The following PIGG variants were observed in gnomAD, a reference collection of about 807,000 sequenced individuals.
The protein encoded by PIGG is GPI ethanolamine phosphate transferase 2, catalytic subunit.
Under a neutral mutation model 83.2 loss-of-function variants are expected in PIGG, and 70 were observed. The observed-to-expected ratio is 0.84, with a 90% CI of 0.69 to 1.03. The LOEUF is 1.03. Ranked by LOEUF, PIGG falls within the 50% of genes least tolerant of loss-of-function variation. The pLI is 0.00. For synonymous variants in PIGG, 532 were observed against 519.5 expected (o/e 1.02, Z -0.33); for missense variants, 1,257 against 1,233.6 (o/e 1.02, Z -0.28).
intron 5 of PIGG, among the ~76,000 whole-genome samples, chr4:513,708 G>A (rs1308669592): frequency 6.6e-6 from 1 of 152,204 alleles, no homozygotes; most frequent in African/African-American, 2.4e-5. Context: ...CTGCTGGGCT[G>A]TGGGAATGGT....
At chr4:512,372 A>G (rs1472579179) in intron 5 of PIGG, among the ~76,000 whole-genome samples, 1 of 150,670 alleles carries the variant, frequency 6.6e-6, no homozygotes, top group Non-Finnish European at 1.5e-5. Flanking sequence ...GGCACCCACC[A>G]CCACCGGTTA....
Position 521,904 on chromosome 4 carries a change from T to C in PIGG, c.1577T>C (p.Leu526Pro). 1 of 1,614,244 alleles carries C rather than the reference T, an allele frequency of 6.2e-7. No homozygotes were observed. The highest frequency in any genetic ancestry group is 8.5e-7 in the Non-Finnish European group (1 of 1,180,042). The change falls in exon 8 of 13, where the codon CTG becomes CCG. Residue 526 changes from leucine (L) to proline (P), a missense_variant. Physicochemically the swap from Leu to Pro is moderately conservative, Grantham distance 98 (BLOSUM62 -3). Coordinates refer to ENST00000453061, the MANE Select transcript of PIGG (RefSeq NM_001127178.3). Reference sequence around the variant, plus strand: ...CTGCTGTGTGTGATTGTGTCTGTTCTGACCAACGTGCTCGTGGGTGGAAAC... The same window carrying C: ...CTGCTGTGTGTGATTGTGTCTGTTCCGACCAACGTGCTCGTGGGTGGAAAC... ...SALLCVIVSV[L>P]TNVLVGGNTP...
At chr4:534,423 G>T (rs1729871019) in intron 12 of PIGG, among the ~76,000 whole-genome samples, 1 of 152,242 alleles carries the variant, frequency 6.6e-6, no homozygotes, top group African/African-American at 2.4e-5. Flanking sequence ...GCAGGACCCT[G>T]GAGAAGGCTC....
intron 8 of PIGG, chr4:522,185 C>G (rs1179342758): frequency 3.3e-6 from 2 of 603,158 alleles, no homozygotes; most frequent in Admixed American, 5.8e-5. Context: ...TCTTGGAAAG[C>G]TAGGTTCCTG....
chr4:526,905 C>T, intron 9 of PIGG, 134 bp from the exon 10 acceptor site: 1 of 1,002,150 alleles, frequency 1.0e-6, no homozygotes, highest in East Asian at 2.6e-5. Context: ...AAATAAAAAT[C>T]AACAATTTCA....
At chr4:535,841 C>G (rs1730449043) in intron 12 of PIGG, among the ~76,000 whole-genome samples, 1 of 152,196 alleles carries the variant, frequency 6.6e-6, no homozygotes, top group South Asian at 2.1e-4. Flanking sequence ...CTCCCCGCCT[C>G]ACTCCCCTCC....
Position 510,062 on chromosome 4 carries a change from G to C in PIGG, c.901+1092G>C, listed in dbSNP as rs538677440. On this transcript the variant is annotated intron_variant, in intron 5 of 12. Coordinates refer to ENST00000453061, the MANE Select transcript of PIGG (RefSeq NM_001127178.3). Reference sequence around the variant, plus strand: ...TTCTTGGCCGAGACCAGCTCGGTCCGGGAGACTTTGACCCAGCAGCGCTAG... The same window carrying C: ...TTCTTGGCCGAGACCAGCTCGGTCCCGGAGACTTTGACCCAGCAGCGCTAG... 1.6e-4 allele frequency among the ~76,000 whole-genome samples: 24 copies of C among 152,182 alleles called. No homozygotes were observed. The South Asian group carries it at 5.0e-3, about 32-fold the overall frequency.
chr4:514,800 T>C lies in PIGG; in HGVS notation c.902-1173T>C, dbSNP rs371771244. ...ATATCACATAATGACTCATTGGCTT[T>C]ATCCCGCAATAGACACGCAACAGTC... On this transcript the variant is annotated intron_variant, in intron 5 of 12. Coordinates refer to ENST00000453061, the MANE Select transcript of PIGG (RefSeq NM_001127178.3). 8.5e-5 allele frequency among the ~76,000 whole-genome samples: 13 copies of C among 152,354 alleles called. No homozygotes were observed. In the South Asian group the frequency reaches 1.9e-3, roughly 22 times the overall value.
chr4:520,888 C>T (rs1015432169), intron 6 of PIGG, among the ~76,000 whole-genome samples, 168 bp from the exon 7 acceptor site: 8 of 152,226 alleles, frequency 5.3e-5, no homozygotes, highest in African/African-American at 1.4e-4. Flanking sequence ...TTACAGAAGG[C>T]GTTGCAGACC....
rs1720146199 is a variant in PIGG at position 507,516 on chromosome 4, A to G, written c.682A>G (p.Asn228Asp). 1.2e-6 allele frequency: 2 copies of G among 1,614,194 alleles called. No homozygotes were observed. Reference protein sequence around the residue: ...LDHIGHISGPNSPLIGQKLSE... With the variant: ...LDHIGHISGPDSPLIGQKLSE... ...CCACATTGGCCACATTTCAGGGCCC[A>G]ACAGCCCCCTGATTGGGCAGAAGCT... The change falls in exon 4 of 13, where the codon AAC becomes GAC. Residue 228 changes from asparagine (N) to aspartate (D), a missense_variant. Transcript: ENST00000453061.
At position 525,371 on chromosome 4, in the gene PIGG, A is replaced by G. The variant is rs935500639; in HGVS notation, c.2069+1458A>G. On this transcript the variant is annotated intron_variant, in intron 9 of 12. Transcript: ENST00000453061. The stretch of plus-strand genomic sequence containing the variant: ...AGACTTAGGAAACTAAAGCAAAAGA[A>G]GCAGCACAATGAGAGCATCTGCGGC... The G allele has an allele frequency of 4.1e-6, 4 of 985,220 alleles. No individual in the cohort carries two copies. In the African/African-American group the frequency reaches 5.2e-5, roughly 13 times the overall value. The allele number at this position is 985,220 out of a possible 1,614,324, so 61.0% of individuals were successfully genotyped here.
At chr4:522,115 G>C in intron 8 of PIGG, 174 bp downstream of exon 8, 4 of 684,540 alleles carry the variant, frequency 5.8e-6, no homozygotes, top group Non-Finnish European at 1.0e-5. Context: ...CCTTATCCCA[G>C]GCCTCTGGGT....
chr4:519,602 A>G (rs553016870), intron 6 of PIGG, among the ~76,000 whole-genome samples: 1 of 152,350 alleles, frequency 6.6e-6, no homozygotes, highest in Non-Finnish European at 1.5e-5. Context: ...TCCCTGCCTC[A>G]TAGGGTCATT....
rs559350954 is a variant in PIGG, at chr4:533,742, C to T, written c.2572-76C>T. The T allele has an allele frequency of 3.4e-5, 47 of 1,392,276 alleles. 1 individual carries two copies. The South Asian group carries it at 4.2e-4, about 13-fold the overall frequency. 86.2% of individuals were successfully genotyped at this position (1,392,276 alleles called of 1,614,324 possible). A position where few individuals can be genotyped will look rare whatever the true frequency, so the allele number is the denominator to read the frequency against. ...CTGCCTACACAGTTCACGCTAACAT[C>T]GTGGCTCACGCTAACATCGTGGCTG... On this transcript the variant is annotated intron_variant, in intron 11 of 12. Transcript: ENST00000453061.
chr4:524,716 C>T (rs1335914989), intron 9 of PIGG: 1 of 152,062 alleles, frequency 6.6e-6, no homozygotes, highest in Non-Finnish European at 1.5e-5. Context: ...CTCTGTCACC[C>T]ATGCTGGAGT....
intron 2 of PIGG, among the ~76,000 whole-genome samples, chr4:502,531 G>C (rs868952267): frequency 1.3e-5 from 2 of 152,184 alleles, no homozygotes; most frequent in South Asian, 4.1e-4. Context: ...CACTTGCTAA[G>C]ACCCTGCAGC....
At chr4:503,460 C>G (rs1272173804) in intron 2 of PIGG, among the ~76,000 whole-genome samples, 3 of 152,204 alleles carry the variant, frequency 2.0e-5, no homozygotes, top group Admixed American at 6.5e-5. Flanking sequence ...CCTTGCCCTT[C>G]ATCCACACAG....
Position 499,256 on chromosome 4 carries a change from T to A in PIGG, c.-80T>A, listed in dbSNP as rs572992286. Reference sequence around the variant, plus strand: ...CCTGGCGTTATTGCTTAGAGGCGGCTACCTGGAGCCGGAAGCGCGGCTGCA... The same window carrying A: ...CCTGGCGTTATTGCTTAGAGGCGGCAACCTGGAGCCGGAAGCGCGGCTGCA... On this transcript the variant is annotated 5_prime_UTR_variant, in exon 1 of 13. Coordinates refer to ENST00000453061, the MANE Select transcript of PIGG (RefSeq NM_001127178.3). The A allele has an allele frequency of 1.4e-4, 205 of 1,491,850 alleles. 1 individual carries two copies. The African/African-American group carries it at 2.3e-3, about 17-fold the overall frequency. The allele number at this position is 1,491,850 out of a possible 1,614,324, so 92.4% of individuals were successfully genotyped here. A position where few individuals can be genotyped will look rare whatever the true frequency, so the allele number is the denominator to read the frequency against.
At chr4:534,414 C>CAGGACCCTGGAGAAGGACCCTGGAGA (rs148846563) in intron 12 of PIGG, among the ~76,000 whole-genome samples, 6 of 152,328 alleles carry the variant, frequency 3.9e-5, no homozygotes, top group African/African-American at 1.4e-4. Flanking sequence ...CTGGAGCGCG[C>CAGGACCCTGGAGAAGGACCCTGGAGA]AGGACCCTGG....
Sources: gnomAD v4.1 joint callset for allele counts (sites outside exome capture counted in the v4.1 genomes callset) on GRCh38, gnomAD v4.1.1 for gene constraint, MANE v1.5 for transcripts, NCBI Gene and HGNC (gene_info 2026-07-23, HGNC 2026-07-21) for gene names.